The following STAG2 variants were observed in gnomAD, a reference collection of about 807,000 sequenced individuals.
STAG2 encodes STAG2 cohesin complex component.
Under a neutral mutation model 108.1 loss-of-function variants are expected in STAG2, and 14 were observed. That is an observed-to-expected ratio of 0.13 (90% confidence interval 0.09 to 0.20). The LOEUF is 0.20. Ranked by LOEUF, STAG2 falls within the 10% of genes least tolerant of loss-of-function variation. The pLI, the probability that STAG2 is intolerant of heterozygous loss-of-function variation, is 1.00. For missense variants in STAG2, 440 were observed against 940.9 expected (o/e 0.47, Z 6.96); for synonymous variants, 307 against 302.7 (o/e 1.01, Z -0.15).
chrX:124,031,590 G>A (rs1432732413), intron 5 of STAG2, among the ~76,000 whole-genome samples: 1 of 106,900 alleles, frequency 9.4e-6, no homozygotes, highest in African/African-American at 3.4e-5. Flanking sequence ...TTTTTGGTGG[G>A]TATTTTCAGT....
chrX:123,970,643 T>C (rs1329677216), intron 1 of STAG2, among the ~76,000 whole-genome samples: 1 of 112,027 alleles, frequency 8.9e-6, no homozygotes, highest in Non-Finnish European at 1.9e-5. Flanking sequence ...TTAGTGCTGC[T>C]TAGTTGTTTG....
chrX:123,963,430 C>T (rs1218895079), intron 1 of STAG2: 2 of 111,290 alleles, frequency 1.8e-5, no homozygotes, highest in African/African-American at 6.5e-5. Flanking sequence ...CATATACTTT[C>T]CGATGAACAG....
At chrX:124,041,018 T>G (rs933365943) in intron 6 of STAG2, among the ~76,000 whole-genome samples, 1 of 106,970 alleles carries the variant, frequency 9.3e-6, no homozygotes, top group Admixed American at 1.0e-4. Flanking sequence ...GCCCAGCTAA[T>G]TTTTGTATTT....
chrX:124,019,703 AGGT>A (rs1415614329), intron 1 of STAG2, among the ~76,000 whole-genome samples: 2 of 111,481 alleles, frequency 1.8e-5, no homozygotes, highest in African/African-American at 6.5e-5. Context: ...TGGGAGGCTA[AGGT>A]GGGTGAATTG....
intron 29 of STAG2, among the ~76,000 whole-genome samples, chrX:124,084,884 T>A (rs190584618): frequency 1.6e-3 from 185 of 112,142 alleles, no homozygotes; most frequent in African/African-American, 5.8e-3. Context: ...TTGGTGACAG[T>A]ACAAGACCAT....
At chrX:123,994,973 T>C (rs192821121) in intron 1 of STAG2, among the ~76,000 whole-genome samples, 1 of 112,169 alleles carries the variant, frequency 8.9e-6, no homozygotes, top group African/African-American at 3.2e-5. Flanking sequence ...AAAAGCATTT[T>C]TTTCCCTCTC....
chrX:124,013,077 A>G (rs776941612), intron 1 of STAG2, among the ~76,000 whole-genome samples: 2 of 111,463 alleles, frequency 1.8e-5, no homozygotes, highest in Non-Finnish European at 3.8e-5. Flanking sequence ...TTAGATGGCA[A>G]TAATATATTG....
At chrX:124,091,493 C>G (rs2059250725) in intron 32 of STAG2, among the ~76,000 whole-genome samples, 1 of 112,466 alleles carries the variant, frequency 8.9e-6, no homozygotes, top group Non-Finnish European at 1.9e-5. Flanking sequence ...AAACTCCCAA[C>G]TTCCTTAGCT....
At chrX:124,063,094 A>C (rs759335015) in intron 18 of STAG2, 22 bp from the exon 19 acceptor site, 1 of 1,184,716 alleles carries the variant, frequency 8.4e-7, no homozygotes, top group Non-Finnish European at 1.1e-6. Context: ...GATATTTTTA[A>C]CGTGATCTTT....
chrX:124,032,734 A>G (rs141389897), intron 5 of STAG2, among the ~76,000 whole-genome samples: 345 of 111,636 alleles, frequency 3.1e-3, no homozygotes, highest in Non-Finnish European at 5.1e-3. Flanking sequence ...ATTGCCTCCA[A>G]CTCTACCCAT....
rs2054529755 is a variant in STAG2 at position 123,974,571 on chromosome X, T to TA, written c.-163+12716dup. Among the ~76,000 whole-genome samples the TA allele has an allele frequency of 3.1e-5, 3 of 98,178 alleles. No individual in the cohort carries two copies. The South Asian group carries it at 1.5e-3, about 50-fold the overall frequency. The allele number at this position is 98,178 out of a possible 115,157, so 85.3% of individuals were successfully genotyped here. A position where few individuals can be genotyped will look rare whatever the true frequency, so the allele number is the denominator to read the frequency against. On this transcript the variant is annotated intron_variant, in intron 1 of 34. Transcript: ENST00000371145. ...GCAGTTACTGTTATCCAAAGGTTGATACCTTCTTTTTTTTTTTTTTTTTTT... is the reference window on the plus strand; with the variant it reads ...GCAGTTACTGTTATCCAAAGGTTGATAACCTTCTTTTTTTTTTTTTTTTTTT...
rs1325420893 is a variant in STAG2, at chrX:124,037,607, G to A, written c.369G>A (p.Gln123=). 1.7e-6 allele frequency: 2 copies of A among 1,172,018 alleles called. No homozygotes were observed. Among genetic ancestry groups the A allele is most frequent in the Non-Finnish European group, 2.3e-6 (2 of 868,968 alleles). ...ALLDLINFFI[Q]CSGCKGVVTA... ...TTGACCTTATCAACTTTTTTATTCAGTGTTCAGGCTGTAAAGGTAAGATAT... is the reference window on the plus strand; with the variant it reads ...TTGACCTTATCAACTTTTTTATTCAATGTTCAGGCTGTAAAGGTAAGATAT... Residue 123 remains glutamine, a synonymous_variant, in exon 6 of 35, where the codon CAG becomes CAA. Transcript: ENST00000371145.
Position 124,082,804 on chromosome X carries a change from ATAT to A in STAG2, c.2925-612_2925-610del, listed in dbSNP as rs1325511327. Among the ~76,000 whole-genome samples, 4 of 111,841 alleles carry A rather than the reference ATAT, an allele frequency of 3.6e-5. No homozygotes were observed. The East Asian group carries it at 1.1e-3, about 31-fold the overall frequency. On this transcript the variant is annotated intron_variant, in intron 28 of 34. Transcript: ENST00000371145. ...TACATAATATTTAAGGACTACCTGT[ATAT>A]TATTTTCAGAAATAATATCTTTTTT... is the stretch of plus-strand genomic sequence containing the variant.
intron 1 of STAG2, among the ~76,000 whole-genome samples, chrX:124,001,836 C>A (rs1444786647): frequency 9.0e-6 from 1 of 111,545 alleles, no homozygotes; most frequent in Non-Finnish European, 1.9e-5. Flanking sequence ...AGAACTTACC[C>A]CATTGTTAAG....
intron 15 of STAG2, among the ~76,000 whole-genome samples, chrX:124,059,447 T>C (rs1322740465): frequency 1.8e-5 from 2 of 112,227 alleles, no homozygotes; most frequent in Non-Finnish European, 3.8e-5. Flanking sequence ...TTTTATTCTT[T>C]TCTTTGCTGA....
At chrX:124,069,762 C>T (rs1489307869) in intron 24 of STAG2, among the ~76,000 whole-genome samples, 2 of 110,847 alleles carry the variant, frequency 1.8e-5, no homozygotes, top group Non-Finnish European at 3.8e-5. Context: ...AGAATTCTCT[C>T]CAATTTTACG....
At chrX:123,986,706 G>A (rs769546566) in intron 1 of STAG2, among the ~76,000 whole-genome samples, 1 of 111,919 alleles carries the variant, frequency 8.9e-6, no homozygotes, top group South Asian at 3.7e-4. Context: ...ATGTTACAGA[G>A]ATGAAATGTA....
chrX:124,008,376 G>T (rs1208338019), intron 1 of STAG2, among the ~76,000 whole-genome samples: 2 of 109,601 alleles, frequency 1.8e-5, no homozygotes, highest in African/African-American at 3.3e-5. Flanking sequence ...ACCACGCCTG[G>T]CTAATTTTTG....
At chrX:123,966,361 C>G (rs941693871) in intron 1 of STAG2, among the ~76,000 whole-genome samples, 1 of 109,365 alleles carries the variant, frequency 9.1e-6, no homozygotes, top group South Asian at 4.0e-4. Context: ...GCTTGGGAGG[C>G]TGAGGCAGGA....
Sources: gnomAD v4.1 joint callset for allele counts (sites outside exome capture counted in the v4.1 genomes callset) on GRCh38, gnomAD v4.1.1 for gene constraint, MANE v1.5 for transcripts, NCBI Gene and HGNC (gene_info 2026-07-23, HGNC 2026-07-21) for gene names.